Variants in PITPNC1 observed in about 807,000 individuals in gnomAD.
The protein encoded by PITPNC1 is phosphatidylinositol transfer protein cytoplasmic 1, also known as cytoplasmic phosphatidylinositol transfer protein 1.
A neutral mutation model predicts 44.7 loss-of-function variants in PITPNC1; 18 were observed. The ratio of observed to expected loss-of-function variants is 0.40; its 90% confidence interval spans 0.28 to 0.60. The LOEUF is 0.60. Ranked by LOEUF, PITPNC1 falls within the 20% of genes least tolerant of loss-of-function variation. PITPNC1 has a pLI of 0.39. For synonymous variants in PITPNC1, 141 were observed against 149.6 expected (o/e 0.94, Z 0.42); for missense variants, 290 against 418.4 (o/e 0.69, Z 2.68).
In PITPNC1 at chr17:67,378,107, G is replaced by A; in HGVS notation, c.-48G>A. ...CCTGGGCAGCAGCCTTGCTGGTCTTGGGGGCGCCCCCCGCTTCCCGCCCCG... is the reference window on the plus strand; with the variant it reads ...CCTGGGCAGCAGCCTTGCTGGTCTTAGGGGCGCCCCCCGCTTCCCGCCCCG... On this transcript the variant is annotated 5_prime_UTR_variant, in exon 1 of 9. Coordinates refer to ENST00000581322, the MANE Select transcript of PITPNC1 (RefSeq NM_012417.4). The A allele has an allele frequency of 7.1e-7, 1 of 1,417,038 alleles. No individual in the cohort carries two copies. The highest frequency in any genetic ancestry group is 9.5e-7 in the Non-Finnish European group (1 of 1,050,250). 87.8% of individuals were successfully genotyped at this position (1,417,038 alleles called of 1,614,324 possible). A position where few individuals can be genotyped will look rare whatever the true frequency, so the allele number is the denominator to read the frequency against.
At chr17:67,535,277 G>T (rs2040512444) in intron 2 of PITPNC1, among the ~76,000 whole-genome samples, 1 of 152,214 alleles carries the variant, frequency 6.6e-6, no homozygotes, top group Admixed American at 6.5e-5. Context: ...TTCTCAACAT[G>T]CTGCTTTGGC....
intron 6 of PITPNC1, chr17:67,632,512 G>T: frequency 2.3e-6 from 1 of 434,584 alleles, no homozygotes; most frequent in East Asian, 4.1e-5. Context: ...CATAGGGCTG[G>T]ACCATCCAAC....
At chr17:67,600,253 A>G (rs902362802) in intron 5 of PITPNC1, among the ~76,000 whole-genome samples, 8 of 151,818 alleles carry the variant, frequency 5.3e-5, no homozygotes, top group Admixed American at 1.3e-4. Context: ...GGAGGTGGAG[A>G]AAAAAAAGCA....
chr17:67,665,265 G>A (rs1490551173), intron 6 of PITPNC1, among the ~76,000 whole-genome samples: 2 of 152,040 alleles, frequency 1.3e-5, no homozygotes, highest in Admixed American at 6.6e-5. Context: ...GCTAATTTTT[G>A]TATTTTTTGT....
At chr17:67,534,419 CT>C (rs1158351879) in intron 2 of PITPNC1, among the ~76,000 whole-genome samples, 2 of 152,004 alleles carry the variant, frequency 1.3e-5, no homozygotes, top group East Asian at 3.9e-4. Context: ...TGGTAGATCA[CT>C]TTAGGTCAGG....
At chr17:67,431,210 C>T (rs938562357) in intron 1 of PITPNC1, among the ~76,000 whole-genome samples, 2 of 151,900 alleles carry the variant, frequency 1.3e-5, no homozygotes, top group African/African-American at 2.4e-5. Context: ...AGGCGCCCAC[C>T]ACCACACCCA....
At chr17:67,578,288 G>A (rs780576342) in intron 5 of PITPNC1, 31 bp downstream of exon 5, 23 of 1,459,710 alleles carry the variant, frequency 1.6e-5, no homozygotes, top group South Asian at 8.0e-5. Flanking sequence ...TGCTGCGCTC[G>A]CCTCGTGGGC....
chr17:67,607,194 G>A (rs565780554), intron 5 of PITPNC1, among the ~76,000 whole-genome samples: 153 of 152,306 alleles, frequency 1.0e-3, no homozygotes, highest in African/African-American at 3.5e-3. Flanking sequence ...GCAGAGCGTC[G>A]TTCCAGCACC....
At chr17:67,494,185 T>TTCTTTCTTTC in intron 1 of PITPNC1, among the ~76,000 whole-genome samples, 3,213 of 102,476 alleles carry the variant, frequency 0.031, 136 homozygotes, top group Middle Eastern at 0.062. Context: ...CTTTCTTTCT[T>TTCTTTCTTTC]TTTCTTTCTT....
At chr17:67,594,478 G>A (rs575005252) in intron 5 of PITPNC1, among the ~76,000 whole-genome samples, 41 of 152,158 alleles carry the variant, frequency 2.7e-4, no homozygotes, top group African/African-American at 9.4e-4. Context: ...GATAAGTCAC[G>A]TCTCCAGGGA....
At chr17:67,587,530 A>G (rs1380295136) in intron 5 of PITPNC1, among the ~76,000 whole-genome samples, 1 of 152,092 alleles carries the variant, frequency 6.6e-6, no homozygotes, top group Non-Finnish European at 1.5e-5. Flanking sequence ...ATGCATATGA[A>G]TCTGGCATTC....
At chr17:67,552,033 A>C (rs2040770981) in intron 2 of PITPNC1, among the ~76,000 whole-genome samples, 1 of 152,146 alleles carries the variant, frequency 6.6e-6, no homozygotes, top group South Asian at 2.1e-4. Flanking sequence ...GGAGTCCCCC[A>C]CCAGGCTGTA....
chr17:67,636,887 C>G (rs1156263311), intron 6 of PITPNC1, among the ~76,000 whole-genome samples: 5 of 152,184 alleles, frequency 3.3e-5, no homozygotes, highest in Middle Eastern at 3.2e-3. Context: ...CAGGAGTTTC[C>G]TTCTAAAATG....
chr17:67,607,442 G>C lies in PITPNC1; in HGVS notation c.367-24701G>C, dbSNP rs114798854. 8.8e-3 allele frequency among the ~76,000 whole-genome samples: 1,346 copies of C among 152,340 alleles called. 9 individuals are homozygous for C. Among genetic ancestry groups the C allele is most frequent in the African/African-American group, 0.03 (1,252 of 41,584 alleles). On this transcript the variant is annotated intron_variant, in intron 5 of 8. Coordinates refer to ENST00000581322, the MANE Select transcript of PITPNC1 (RefSeq NM_012417.4). ...GCTGCAGATGGACAGGGGGTGCTCT[G>C]TTGTAAGCAACTCTCAGAGGCTAAG...
chr17:67,416,241 G>A (rs1294043838), intron 1 of PITPNC1, among the ~76,000 whole-genome samples: 4 of 109,194 alleles, frequency 3.7e-5, no homozygotes, highest in South Asian at 3.1e-4. Flanking sequence ...ACAGAGTCTC[G>A]CTCTGTTGTC....
At chr17:67,649,578 C>T (rs1420861685) in intron 6 of PITPNC1, among the ~76,000 whole-genome samples, 1 of 152,122 alleles carries the variant, frequency 6.6e-6, no homozygotes, top group African/African-American at 2.4e-5. Context: ...CACAAAGCTG[C>T]CCCACTTCTC....
chr17:67,539,761 C>T (rs1275527469), intron 2 of PITPNC1, among the ~76,000 whole-genome samples: 3 of 152,038 alleles, frequency 2.0e-5, no homozygotes, highest in Non-Finnish European at 4.4e-5. Flanking sequence ...TGGCGTGAAC[C>T]CGGGAGGTGG....
chr17:67,608,796 G>T (rs970026548), intron 5 of PITPNC1, among the ~76,000 whole-genome samples: 6 of 150,810 alleles, frequency 4.0e-5, no homozygotes, highest in African/African-American at 1.5e-4. Context: ...ATCACGCCCG[G>T]CCTGTTTCTC....
intron 3 of PITPNC1, among the ~76,000 whole-genome samples, 191 bp downstream of exon 3, chr17:67,552,536 CAG>C (rs958729805): frequency 5.3e-5 from 8 of 151,716 alleles, no homozygotes; most frequent in African/African-American, 1.9e-4. Context: ...TGGCAGGTGA[CAG>C]GGGGGTTAAG....
Sources: gnomAD v4.1 joint callset for allele counts (sites outside exome capture counted in the v4.1 genomes callset) on GRCh38, gnomAD v4.1.1 for gene constraint, MANE v1.5 for transcripts, NCBI Gene and HGNC (gene_info 2026-07-23, HGNC 2026-07-21) for gene names.